The following MDM4 variants were observed in gnomAD, a reference collection of about 807,000 sequenced individuals.
MDM4 encodes protein Mdm4.
Under a neutral mutation model 60.2 loss-of-function variants are expected in MDM4, and 2 were observed. That is an observed-to-expected ratio of 0.03 (90% CI 0.01 to 0.10). MDM4 has a LOEUF of 0.10. Among genes scored for constraint, MDM4 ranks in the 10% least tolerant of loss-of-function variants. MDM4 has a pLI of 1.00. For missense variants in MDM4, 447 were observed against 577.5 expected (o/e 0.77, Z 2.32); for synonymous variants, 202 against 198.1 (o/e 1.02, Z -0.17).
Position 204,549,374 on chromosome 1 carries a change from T to C in MDM4, c.1165T>C (p.Cys389Arg), listed in dbSNP as rs200412021. 97 of 1,614,114 alleles carry C rather than the reference T, an allele frequency of 6.0e-5. No homozygotes were observed. In the African/African-American group the frequency reaches 8.8e-4, roughly 15 times the overall value. ...AGAAAACTCCAAACTTTTTGATCCC[T>C]GCAACTCAGTGGAATTCTTGGATTT... ...KKENSKLFDP[C>R]NSVEFLDLAH... The change falls in exon 11 of 11, where the codon TGC (cysteine) becomes CGC (arginine). Residue 389 changes from cysteine (C) to arginine (R), a missense_variant. Physicochemically the swap from Cys to Arg is radical, Grantham distance 180. Transcript: ENST00000367182.
rs1469431259 is a variant in MDM4, at chr1:204,529,213, A to G, written c.154-1471A>G. 8.1e-6 allele frequency: 6 copies of G among 740,104 alleles called. No individual in the cohort carries two copies. In the African/African-American group the frequency reaches 1.0e-4, roughly 13 times the overall value. 45.8% of individuals were successfully genotyped at this position (740,104 alleles called of 1,614,324 possible). A position where few individuals can be genotyped will look rare whatever the true frequency, so the allele number is the denominator to read the frequency against. Reference sequence around the variant, plus strand: ...GTGGCCTGATTAGGTCTTGTCAAACATGTTTATCATCATGAGGCAGGTCTC... The same window carrying G: ...GTGGCCTGATTAGGTCTTGTCAAACGTGTTTATCATCATGAGGCAGGTCTC... On this transcript the variant is annotated intron_variant, in intron 3 of 10. Transcript: ENST00000367182.
rs75925328 is a variant in MDM4 at position 204,518,040 on chromosome 1, C to A, written c.-36+1531C>A. On this transcript the variant is annotated intron_variant, in intron 1 of 10. Coordinates refer to ENST00000367182, the MANE Select transcript of MDM4 (RefSeq NM_002393.5). The stretch of plus-strand genomic sequence containing the variant: ...GTGTCATAGAGCGAGCTTCCAGTCC[C>A]AGCTACCCAAGAGACTGAGGTGGGA... Among the ~76,000 whole-genome samples the A allele has an allele frequency of 7.3e-3, 1,118 of 152,228 alleles. 18 individuals carry two copies. Among genetic ancestry groups the A allele is most frequent in the African/African-American group, 0.022 (921 of 41,538 alleles).
At chr1:204,521,622 C>T (rs1349461928) in intron 1 of MDM4, among the ~76,000 whole-genome samples, 1 of 152,126 alleles carries the variant, frequency 6.6e-6, no homozygotes, top group African/African-American at 2.4e-5. Context: ...CATGAGCCTG[C>T]CAGGCCTGGA....
chr1:204,517,009 G>T (rs759747952), intron 1 of MDM4, among the ~76,000 whole-genome samples: 12 of 152,184 alleles, frequency 7.9e-5, no homozygotes, highest in Non-Finnish European at 1.3e-4. Flanking sequence ...GGAGGCCGAG[G>T]TGGGTGGATC....
intron 5 of MDM4, 69 bp downstream of exon 5, chr1:204,532,315 CAAA>C (rs1346147695): frequency 5.6e-5 from 56 of 992,032 alleles, no homozygotes; most frequent in South Asian, 4.2e-4. Flanking sequence ...GATGGGAAAA[CAAA>C]GAAGATGAAG....
At chr1:204,521,218 A>G (rs1010890539) in intron 1 of MDM4, among the ~76,000 whole-genome samples, 14 of 152,168 alleles carry the variant, frequency 9.2e-5, no homozygotes, top group Admixed American at 5.9e-4. Flanking sequence ...ATTTGTTTCA[A>G]TTATCTAATG....
chr1:204,533,977 G>A (rs770584074), intron 5 of MDM4, among the ~76,000 whole-genome samples: 1 of 151,714 alleles, frequency 6.6e-6, no homozygotes, highest in Non-Finnish European at 1.5e-5. Flanking sequence ...GTAGAAATGG[G>A]GTCTTGCTTT....
chr1:204,535,231 C>G (rs548136558), intron 5 of MDM4, among the ~76,000 whole-genome samples: 1 of 148,296 alleles, frequency 6.7e-6, no homozygotes, highest in East Asian at 2.0e-4. Flanking sequence ...GATTTTGGCT[C>G]ACTGCAGCCT....
chr1:204,543,815 A>G (rs1662376716), intron 8 of MDM4, among the ~76,000 whole-genome samples: 5 of 152,076 alleles, frequency 3.3e-5, no homozygotes, highest in Admixed American at 6.5e-5. Flanking sequence ...ATATTGCTAT[A>G]TTTTATGTAT....
In MDM4 at chr1:204,517,315, G is replaced by A. The variant is rs542275670; in HGVS notation, c.-36+806G>A. Among the ~76,000 whole-genome samples the A allele has an allele frequency of 2.0e-5, 3 of 152,252 alleles. No homozygotes were observed. The East Asian group carries it at 5.8e-4, about 29-fold the overall frequency. ...ACAGACAGTATCGAGATGGGGCTCAGAGAAATATATTTTAATGAGCACACC... is the reference window on the plus strand; with the variant it reads ...ACAGACAGTATCGAGATGGGGCTCAAAGAAATATATTTTAATGAGCACACC... On this transcript the variant is annotated intron_variant, in intron 1 of 10. Coordinates refer to ENST00000367182, the MANE Select transcript of MDM4 (RefSeq NM_002393.5).
chr1:204,547,016 C>A, intron 10 of MDM4, 139 bp downstream of exon 10: 1 of 495,078 alleles, frequency 2.0e-6, no homozygotes, highest in Non-Finnish European at 3.6e-6. Flanking sequence ...ATGTTGGTTT[C>A]TTTACATTTT....
intron 1 of MDM4, among the ~76,000 whole-genome samples, chr1:204,523,514 C>T (rs1342366655): frequency 3.4e-4 from 27 of 80,464 alleles, no homozygotes; most frequent in Admixed American, 2.0e-3. Context: ...GACAGGGTAT[C>T]GCTTTGTCAC....
In MDM4 at chr1:204,549,624, C is replaced by T. The variant is rs2102459139; in HGVS notation, c.1415C>T (p.Ala472Val). Residue 472 changes from alanine to valine, a missense_variant, in exon 11 of 11, where the codon GCT (alanine) becomes GTT (valine). Ala to Val is a moderately conservative substitution (Grantham distance 64, BLOSUM62 0). Coordinates refer to ENST00000367182, the MANE Select transcript of MDM4 (RefSeq NM_002393.5). ...HCARRLKKAG[A>V]SCPICKKEIQ... is the part of the protein sequence containing the mutation. The stretch of plus-strand genomic sequence containing the variant: ...GCCAGAAGACTAAAGAAGGCTGGGG[C>T]TTCATGCCCTATTTGCAAGAAAGAG... 2 of 1,592,548 alleles carry T rather than the reference C, an allele frequency of 1.3e-6. No individual in the cohort carries two copies. Among genetic ancestry groups the T allele is most frequent in the Non-Finnish European group, 1.7e-6 (2 of 1,174,210 alleles).
In MDM4 at chr1:204,551,144, G is replaced by A; in HGVS notation, c.*1462G>A. 1 of 191,876 alleles carries A rather than the reference G, an allele frequency of 5.2e-6. No individual in the cohort carries two copies. The highest frequency in any genetic ancestry group is 1.1e-5 in the Non-Finnish European group (1 of 91,840). 11.9% of individuals were successfully genotyped at this position (191,876 alleles called of 1,614,324 possible). On this transcript the variant is annotated 3_prime_UTR_variant, in exon 11 of 11. Transcript: ENST00000367182. Reference sequence around the variant, plus strand: ...TGCAGCCTCGACCTCCCAGATCCAAGCAATCCTCCCACCTAAGCCTCCCAA... The same window carrying A: ...TGCAGCCTCGACCTCCCAGATCCAAACAATCCTCCCACCTAAGCCTCCCAA...
chr1:204,527,864 C>CT (rs36104392), intron 3 of MDM4, among the ~76,000 whole-genome samples: 168 of 141,944 alleles, frequency 1.2e-3, no homozygotes, highest in Middle Eastern at 3.6e-3. Flanking sequence ...AATTATCAGG[C>CT]TTTTTTTTTT....
chr1:204,540,670 G>A (rs1301692569), intron 7 of MDM4, among the ~76,000 whole-genome samples: 1 of 152,108 alleles, frequency 6.6e-6, no homozygotes, highest in Non-Finnish European at 1.5e-5. Context: ...GGCTGAGGCA[G>A]GATAATTGCT....
chr1:204,538,302 A>C lies in MDM4; in HGVS notation c.505A>C (p.Arg169=). 1.3e-6 allele frequency: 2 copies of C among 1,546,222 alleles called. No homozygotes were observed. Among genetic ancestry groups the C allele is most frequent in the Non-Finnish European group, 1.8e-6 (2 of 1,118,758 alleles). Residue 169 remains arginine (R), a synonymous_variant, in exon 7 of 11, where the codon AGA becomes CGA. Coordinates refer to ENST00000367182, the MANE Select transcript of MDM4 (RefSeq NM_002393.5). ...CTCAGAGCATAAATGCATACATTCT[A>C]GAGAAGGTATGTTTTGGATTAAGGC... is the stretch of plus-strand genomic sequence containing the variant. ...PTSEHKCIHS[R]EDEDLIENLA... is the part of the protein sequence containing the mutation.
At chr1:204,520,393 T>A (rs1659456123) in intron 1 of MDM4, among the ~76,000 whole-genome samples, 1 of 149,724 alleles carries the variant, frequency 6.7e-6, no homozygotes, top group Non-Finnish European at 1.5e-5. Flanking sequence ...TTTTAATAAT[T>A]AAGAGCAACT....
chr1:204,543,509 A>C (rs536994674), intron 8 of MDM4, among the ~76,000 whole-genome samples: 3 of 152,280 alleles, frequency 2.0e-5, no homozygotes, highest in African/African-American at 7.2e-5. Context: ...TGCCTTCCTC[A>C]GGCACCTTAA....
Sources: allele counts gnomAD v4.1 joint callset (sites outside exome capture counted in the v4.1 genomes callset), GRCh38; gene constraint gnomAD v4.1.1; transcripts MANE v1.5; gene names NCBI Gene and HGNC (gene_info 2026-07-23, HGNC 2026-07-21).